The following TMEM135 variants were observed in gnomAD, a reference collection of about 807,000 sequenced individuals.
The protein encoded by TMEM135 is peroxisomal membrane protein 52.
TMEM135 carries 30 observed loss-of-function variants against 60.3 expected under a neutral mutation model. The observed-to-expected ratio is 0.50, with a 90% confidence interval of 0.37 to 0.68. The LOEUF (loss-of-function observed/expected upper bound fraction) is 0.68, where lower values mean the gene tolerates loss of function less well. Ranked by LOEUF, TMEM135 falls within the 30% of genes least tolerant of loss-of-function variation. The pLI is 0.00. For missense variants in TMEM135, 468 were observed against 548.8 expected (o/e 0.85, Z 1.47); for synonymous variants, 190 against 186.7 (o/e 1.02, Z -0.14).
At chr11:87,198,020 C>A (rs1008518973) in intron 5 of TMEM135, among the ~76,000 whole-genome samples, 1 of 151,898 alleles carries the variant, frequency 6.6e-6, no homozygotes, top group African/African-American at 2.4e-5. Flanking sequence ...ACGTAATGAT[C>A]AAGTCAGAAT....
At chr11:87,209,763 G>C (rs1023595770) in intron 5 of TMEM135, among the ~76,000 whole-genome samples, 1 of 152,068 alleles carries the variant, frequency 6.6e-6, no homozygotes, top group Admixed American at 6.6e-5. Context: ...ATGACCACAT[G>C]CTTGGCCATA....
At chr11:87,206,233 C>T (rs1940231933) in intron 5 of TMEM135, among the ~76,000 whole-genome samples, 1 of 152,058 alleles carries the variant, frequency 6.6e-6, no homozygotes, top group East Asian at 1.9e-4. Flanking sequence ...AACTAATATG[C>T]AGTTTGTGAA....
chr11:87,224,836 T>C (rs903975355), intron 5 of TMEM135, among the ~76,000 whole-genome samples: 4 of 151,936 alleles, frequency 2.6e-5, no homozygotes, highest in Non-Finnish European at 5.9e-5. Flanking sequence ...CTCTTGTAAG[T>C]TTATATAAAC....
chr11:87,098,186 G>A (rs1222722876), intron 4 of TMEM135, among the ~76,000 whole-genome samples: 3 of 150,516 alleles, frequency 2.0e-5, no homozygotes, highest in African/African-American at 7.4e-5. Context: ...CGATGACCTT[G>A]AGCAGTAGGA....
At chr11:87,305,063 A>C (rs1294335771) in intron 8 of TMEM135, among the ~76,000 whole-genome samples, 1 of 152,134 alleles carries the variant, frequency 6.6e-6, no homozygotes, top group African/African-American at 2.4e-5. Context: ...TTACCACATG[A>C]TCTCTATTTC....
chr11:87,270,095 G>A (rs1410562610), intron 6 of TMEM135, among the ~76,000 whole-genome samples: 1 of 143,074 alleles, frequency 7.0e-6, no homozygotes. Context: ...CTGATGGCCA[G>A]TGATGGTGAG....
intron 1 of TMEM135, among the ~76,000 whole-genome samples, chr11:87,046,635 G>C (rs1949799020): frequency 6.6e-6 from 1 of 152,200 alleles, no homozygotes; most frequent in Non-Finnish European, 1.5e-5. Flanking sequence ...CAGGGGTAGA[G>C]AGAAACTGAG....
intron 4 of TMEM135, among the ~76,000 whole-genome samples, chr11:87,157,074 G>GTT (rs199977904): frequency 1.1e-3 from 146 of 137,878 alleles, no homozygotes; most frequent in Non-Finnish European, 1.2e-3. Flanking sequence ...TCTTTCTTTT[G>GTT]TTTTTTTTTT....
In TMEM135 at chr11:87,247,987, C is replaced by T. The variant is rs562159223; in HGVS notation, c.509+11303C>T. 4.0e-3 allele frequency among the ~76,000 whole-genome samples: 593 copies of T among 149,188 alleles called. 5 individuals carry two copies. Among genetic ancestry groups the T allele is most frequent in the African/African-American group, 0.014 (554 of 40,234 alleles). ...GCTTTAGACTGGAGCTGTTCCTATT[C>T]AGCCATCTTGGCTGCCAGCTTGATA... is the stretch of plus-strand genomic sequence containing the variant. On this transcript the variant is annotated intron_variant, in intron 6 of 14. Coordinates refer to ENST00000305494, the MANE Select transcript of TMEM135 (RefSeq NM_022918.4).
At chr11:87,273,479 G>A (rs1257407291) in intron 6 of TMEM135, among the ~76,000 whole-genome samples, 1 of 151,342 alleles carries the variant, frequency 6.6e-6, no homozygotes, top group Non-Finnish European at 1.5e-5. Context: ...CCAATCTTTA[G>A]TCCATCAGAC....
intron 5 of TMEM135, among the ~76,000 whole-genome samples, chr11:87,182,954 A>G (rs903907067): frequency 1.1e-4 from 17 of 152,002 alleles, no homozygotes; most frequent in African/African-American, 4.1e-4. Flanking sequence ...TTTTAATCAT[A>G]TGCATATAAT....
chr11:87,170,862 C>T (rs1026477095), intron 5 of TMEM135, among the ~76,000 whole-genome samples: 1 of 152,084 alleles, frequency 6.6e-6, no homozygotes, highest in Non-Finnish European at 1.5e-5. Context: ...CAGGCAGGAA[C>T]GTTTAAGTTT....
intron 3 of TMEM135, among the ~76,000 whole-genome samples, chr11:87,073,557 T>C (rs1856812570): frequency 6.6e-6 from 1 of 152,186 alleles, no homozygotes; most frequent in African/African-American, 2.4e-5. Flanking sequence ...TGTTGAAGCA[T>C]GGATTTTGGA....
intron 6 of TMEM135, among the ~76,000 whole-genome samples, chr11:87,293,824 G>A (rs572331610): frequency 2.0e-5 from 3 of 152,276 alleles, no homozygotes; most frequent in Non-Finnish European, 2.9e-5. Context: ...TAAACATAAC[G>A]TGTGCATGTA....
At chr11:87,120,472 C>CTTTTTTTTTT (rs541561365) in intron 4 of TMEM135, among the ~76,000 whole-genome samples, 21 of 104,216 alleles carry the variant, frequency 2.0e-4, no homozygotes, top group South Asian at 3.2e-4. Flanking sequence ...GATGAAATTT[C>CTTTTTTTTTT]TTTTTTTTTT....
chr11:87,255,668 A>G (rs1479015572), intron 6 of TMEM135, among the ~76,000 whole-genome samples: 2 of 148,220 alleles, frequency 1.3e-5, no homozygotes, highest in Non-Finnish European at 3.0e-5. Context: ...AAAAAAAAAA[A>G]GTATCTACAA....
intron 6 of TMEM135, among the ~76,000 whole-genome samples, chr11:87,247,016 A>G (rs1468131843): frequency 6.8e-6 from 1 of 146,992 alleles, no homozygotes; most frequent in East Asian, 2.0e-4. Context: ...ATGGTGATGA[A>G]CAGATGGGTT....
chr11:87,134,684 C>G (rs1478342647), intron 4 of TMEM135, among the ~76,000 whole-genome samples: 1 of 152,150 alleles, frequency 6.6e-6, no homozygotes, highest in Non-Finnish European at 1.5e-5. Flanking sequence ...GGGGTTCTCA[C>G]TATGTTGCCC....
intron 6 of TMEM135, among the ~76,000 whole-genome samples, chr11:87,291,678 G>C (rs1447018656): frequency 6.6e-6 from 1 of 151,702 alleles, no homozygotes; most frequent in Non-Finnish European, 1.5e-5. Flanking sequence ...AAGTAGCTGG[G>C]ATTACAGGCA....
Sources: allele counts gnomAD v4.1 joint callset (sites outside exome capture counted in the v4.1 genomes callset), GRCh38; gene constraint gnomAD v4.1.1; transcripts MANE v1.5; gene names NCBI Gene and HGNC (gene_info 2026-07-23, HGNC 2026-07-21).